The following COL5A2 variants were observed in gnomAD, a reference collection of about 807,000 sequenced individuals.
COL5A2 encodes the protein collagen alpha-2(V) chain.
Under a neutral mutation model 208.2 loss-of-function variants are expected in COL5A2, and 23 were observed. The observed-to-expected ratio is 0.11, with a 90% CI of 0.08 to 0.16. The LOEUF (loss-of-function observed/expected upper bound fraction) is 0.16, where lower values mean the gene tolerates loss of function less well. COL5A2 is among the 10% of genes least tolerant of loss of function. The pLI is 1.00. For synonymous variants in COL5A2, 625 were observed against 628.5 expected, an observed-to-expected ratio of 0.99 and a Z score of 0.08; for missense variants, 1,590 against 1,956.4, an observed-to-expected ratio of 0.81 and a Z score of 3.53.
chr2:189,097,485 A>C (rs964371791), intron 5 of COL5A2, 155 bp from the exon 6 acceptor site: 3 of 788,950 alleles, frequency 3.8e-6, no homozygotes, highest in Non-Finnish European at 4.3e-6. Flanking sequence ...GTGCATATAA[A>C]AGTTCTGTAC....
At position 189,156,498 on chromosome 2, in the gene COL5A2, C is replaced by A. The variant is rs929418425; in HGVS notation, c.97+23010G>T. 5.3e-5 allele frequency among the ~76,000 whole-genome samples: 8 copies of A among 152,024 alleles called. No individual in the cohort carries two copies. In the South Asian group the frequency reaches 1.2e-3, roughly 24 times the overall value. ...AGGCTTTGTCAAGACTTGAAAGTTTCAATTATGCTCAGTTTACTGCTGTAT... is the reference window on the plus strand; with the variant it reads ...AGGCTTTGTCAAGACTTGAAAGTTTAAATTATGCTCAGTTTACTGCTGTAT... On this transcript the variant is annotated intron_variant, in intron 1 of 53. Coordinates refer to ENST00000374866, the MANE Select transcript of COL5A2 (RefSeq NM_000393.5).
intron 44 of COL5A2, among the ~76,000 whole-genome samples, chr2:189,048,814 G>C (rs1685723675): frequency 6.6e-6 from 1 of 151,948 alleles, no homozygotes; most frequent in African/African-American, 2.4e-5. Flanking sequence ...TTAAAATCCT[G>C]AACAGAGGAT....
intron 16 of COL5A2, among the ~76,000 whole-genome samples, chr2:189,078,006 G>T (rs1392121668): frequency 6.6e-6 from 1 of 152,142 alleles, no homozygotes; most frequent in Non-Finnish European, 1.5e-5. Flanking sequence ...TAAATAGTCT[G>T]CAAGAGTATT....
chr2:189,101,417 C>T (rs940816349), intron 3 of COL5A2, among the ~76,000 whole-genome samples: 7 of 152,076 alleles, frequency 4.6e-5, no homozygotes, highest in African/African-American at 1.7e-4. Context: ...TCTACATGCA[C>T]TTTGAGTATC....
chr2:189,203,548 T>C (rs539808113), intron 1 of COL5A2, among the ~76,000 whole-genome samples: 2 of 152,238 alleles, frequency 1.3e-5, no homozygotes, highest in Admixed American at 6.5e-5. Context: ...TTTTACAGAA[T>C]CTGTCATCTG....
intron 29 of COL5A2, 74 bp downstream of exon 29, chr2:189,062,791 G>A: frequency 6.4e-7 from 1 of 1,567,654 alleles, no homozygotes. Context: ...CATAAGTCTT[G>A]AACAAACATC....
At chr2:189,118,131 C>T (rs753693661) in intron 1 of COL5A2, among the ~76,000 whole-genome samples, 6 of 151,812 alleles carry the variant, frequency 4.0e-5, no homozygotes, top group Non-Finnish European at 7.4e-5. Flanking sequence ...TTTAGAGAAG[C>T]GCCATTTTAG....
chr2:189,429,677 T>C, the COL5A2 span, among the ~76,000 whole-genome samples: 3 of 152,320 alleles, frequency 2.0e-5, no homozygotes, highest in East Asian at 3.9e-4. Context: ...GCCCAAATTA[T>C]AGCACTCTCA....
intron 17 of COL5A2, among the ~76,000 whole-genome samples, chr2:189,074,948 C>T (rs1686370978): frequency 6.6e-6 from 1 of 152,144 alleles, no homozygotes; most frequent in African/African-American, 2.4e-5. Flanking sequence ...TGAATGATCG[C>T]ACATTAACTA....
the COL5A2 span, among the ~76,000 whole-genome samples, chr2:189,270,306 A>C: frequency 1.6e-3 from 250 of 152,020 alleles, 1 homozygote; most frequent in African/African-American, 5.6e-3. Flanking sequence ...CTGCTTCTCT[A>C]GTTCTTTTAA....
At chr2:189,145,914 G>A (rs145085675) in intron 1 of COL5A2, among the ~76,000 whole-genome samples, 1 of 152,130 alleles carries the variant, frequency 6.6e-6, no homozygotes, top group East Asian at 1.9e-4. Context: ...AGTGGAGTTT[G>A]CCATGTACAT....
chr2:189,426,771 G>A, the COL5A2 span, among the ~76,000 whole-genome samples: 1 of 152,216 alleles, frequency 6.6e-6, no homozygotes, highest in African/African-American at 2.4e-5. Context: ...GAACTTAAAA[G>A]GGATGATTTA....
intron 45 of COL5A2, among the ~76,000 whole-genome samples, chr2:189,047,373 G>A (rs1685692860): frequency 6.6e-6 from 1 of 152,088 alleles, no homozygotes; most frequent in Admixed American, 6.6e-5. Context: ...TAGATGAGCG[G>A]GACTTAGCCC....
At chr2:189,198,039 C>T (rs1323002029) in intron 1 of COL5A2, among the ~76,000 whole-genome samples, 6 of 151,944 alleles carry the variant, frequency 3.9e-5, no homozygotes, top group East Asian at 1.9e-4. Flanking sequence ...CTAGTAGAAA[C>T]GGGGTTTCAC....
upstream of COL5A2, among the ~76,000 whole-genome samples, chr2:189,225,699 C>CAA (rs200328507): frequency 6.7e-6 from 1 of 149,000 alleles, no homozygotes; most frequent in African/African-American, 2.5e-5. Flanking sequence ...AAAACCAAAG[C>CAA]AAAAAAAAAT....
At position 189,056,748 on chromosome 2, in the gene COL5A2, T is replaced by C. The variant is rs1685908846; in HGVS notation, c.2391+225A>G. 6.8e-6 allele frequency: 4 copies of C among 587,906 alleles called. No homozygotes were observed. The Admixed American group carries it at 8.8e-5, about 13-fold the overall frequency. The allele number at this position is 587,906 out of a possible 1,614,324, so 36.4% of individuals were successfully genotyped here. A position where few individuals can be genotyped will look rare whatever the true frequency, so the allele number is the denominator to read the frequency against. On this transcript the variant is annotated intron_variant, in intron 35 of 53. Coordinates refer to ENST00000374866, the MANE Select transcript of COL5A2 (RefSeq NM_000393.5). ...GGCCCCCATCCCCTTAAGGCACTTA[T>C]CTCATAGGCACAATAAATATGTTTT... is the stretch of plus-strand genomic sequence containing the variant.
rs73034879 is a variant in COL5A2, at chr2:189,210,389, G to A, written c.-42+14759C>T. On this transcript the variant is annotated intron_variant, in intron 1 of 10. Transcript: ENST00000649966. The stretch of plus-strand genomic sequence containing the variant: ...GCCGAGGAGAATGAGTCATATTTTC[G>A]TCTGTTTTCACTTGATTAAAATATT... 3.7e-3 allele frequency among the ~76,000 whole-genome samples: 552 copies of A among 148,018 alleles called. 3 individuals carry two copies. Among genetic ancestry groups the A allele is most frequent in the African/African-American group, 0.013 (507 of 40,230 alleles).
chr2:189,059,174 G>A (rs1685967180), intron 31 of COL5A2, among the ~76,000 whole-genome samples: 1 of 152,034 alleles, frequency 6.6e-6, no homozygotes, highest in South Asian at 2.1e-4. Flanking sequence ...TAGAGCATTA[G>A]TTTTTTAGAG....
chr2:189,092,176 G>T, intron 7 of COL5A2, 134 bp downstream of exon 7: 1 of 713,048 alleles, frequency 1.4e-6, no homozygotes, highest in South Asian at 1.5e-5. Context: ...ACTGTCCATA[G>T]CAGTGTTGAC....
Sources: allele counts gnomAD v4.1 joint callset (sites outside exome capture counted in the v4.1 genomes callset), GRCh38; gene constraint gnomAD v4.1.1; transcripts MANE v1.5; gene names NCBI Gene and HGNC (gene_info 2026-07-23, HGNC 2026-07-21).